Variants in R3HDM2 observed in about 807,000 individuals in gnomAD.
The protein encoded by R3HDM2 is R3H domain-containing protein 2.
Under a neutral mutation model 124.5 loss-of-function variants are expected in R3HDM2, and 38 were observed. The observed-to-expected ratio is 0.31, with a 90% confidence interval of 0.24 to 0.40. The LOEUF (loss-of-function observed/expected upper bound fraction) is 0.40. Ranked by LOEUF, R3HDM2 falls within the 10% of genes least tolerant of loss-of-function variation. The pLI is 1.00. For missense variants in R3HDM2, 869 were observed against 1,236.9 expected, an observed-to-expected ratio of 0.70 and a Z score of 4.46; for synonymous variants, 391 against 448.0, an observed-to-expected ratio of 0.87 and a Z score of 1.61.
intron 2 of R3HDM2, among the ~76,000 whole-genome samples, chr12:57,379,589 A>T (rs1275467992): frequency 6.6e-6 from 1 of 152,106 alleles, no homozygotes; most frequent in Non-Finnish European, 1.5e-5. Flanking sequence ...TCAAAAAAAA[A>T]ATAGAAAATG....
At chr12:57,414,157 C>CTTTT (rs966758167) in intron 1 of R3HDM2, among the ~76,000 whole-genome samples, 1 of 150,344 alleles carries the variant, frequency 6.7e-6, no homozygotes, top group African/African-American at 2.4e-5. Flanking sequence ...CCCACTCTAT[C>CTTTT]TTTTTTTTAC....
intron 2 of R3HDM2, among the ~76,000 whole-genome samples, chr12:57,373,853 C>T (rs896556952): frequency 1.3e-4 from 19 of 150,252 alleles, no homozygotes; most frequent in African/African-American, 3.7e-4. Context: ...ATAATAAGGG[C>T]GTGGTGGCTC....
chr12:57,293,321 C>A (rs954446529), intron 10 of R3HDM2, among the ~76,000 whole-genome samples: 3 of 151,094 alleles, frequency 2.0e-5, no homozygotes, highest in African/African-American at 4.9e-5. Flanking sequence ...AGAAAGAGAA[C>A]AGAGCAATAC....
intron 2 of R3HDM2, among the ~76,000 whole-genome samples, chr12:57,339,098 C>T (rs1400691388): frequency 1.3e-5 from 2 of 151,842 alleles, no homozygotes; most frequent in Middle Eastern, 3.4e-3. Context: ...GGTGTGATCT[C>T]GGTTCACTGC....
At chr12:57,387,970 T>TTTA (rs1260318256) in intron 2 of R3HDM2, among the ~76,000 whole-genome samples, 2 of 150,992 alleles carry the variant, frequency 1.3e-5, no homozygotes, top group Non-Finnish European at 3.0e-5. Flanking sequence ...AAAAAAATTT[T>TTTA]TTTTTTTTAA....
chr12:57,335,415 C>G (rs1004533417), intron 2 of R3HDM2, among the ~76,000 whole-genome samples: 1 of 151,132 alleles, frequency 6.6e-6, no homozygotes, highest in African/African-American at 2.4e-5. Flanking sequence ...ACCATGTTGG[C>G]CAGGCTGGCC....
intron 2 of R3HDM2, among the ~76,000 whole-genome samples, chr12:57,372,995 G>A (rs1304173060): frequency 6.6e-6 from 1 of 152,204 alleles, no homozygotes; most frequent in African/African-American, 2.4e-5. Context: ...GATCGCTTGA[G>A]GCCAGGAGAT....
intron 1 of R3HDM2, among the ~76,000 whole-genome samples, chr12:57,402,685 A>G (rs1312491244): frequency 6.6e-6 from 1 of 151,696 alleles, no homozygotes; most frequent in East Asian, 2.0e-4. Flanking sequence ...CGGGAGAATC[A>G]CTTCAACCCG....
At chr12:57,396,513 G>A (rs540096624) in intron 1 of R3HDM2, among the ~76,000 whole-genome samples, 14 of 149,182 alleles carry the variant, frequency 9.4e-5, no homozygotes, top group East Asian at 2.0e-4. Flanking sequence ...GCACAGTGGC[G>A]CACGCCTGTA....
chr12:57,321,758 CTA>C (rs988026396), intron 2 of R3HDM2, among the ~76,000 whole-genome samples: 9 of 152,126 alleles, frequency 5.9e-5, no homozygotes, highest in African/African-American at 2.2e-4. Context: ...AGAACACATA[CTA>C]TAATAGTCTA....
chr12:57,340,328 G>T (rs1196161804), intron 2 of R3HDM2, among the ~76,000 whole-genome samples: 3 of 152,110 alleles, frequency 2.0e-5, no homozygotes. Flanking sequence ...CCACCACAGG[G>T]GTTTCCTGAA....
In R3HDM2 at chr12:57,323,696, C is replaced by T. The variant is rs551207768; in HGVS notation, c.-35-13233G>A. Among the ~76,000 whole-genome samples the T allele has an allele frequency of 7.9e-5, 12 of 152,258 alleles. No homozygotes were observed. The East Asian group carries it at 2.3e-3, about 29-fold the overall frequency. ...TCAGTATCTGTTATGGCTGTACTTGCCTTAAAATGAGAACTGTAGGTGCTT... is the reference window on the plus strand; with the variant it reads ...TCAGTATCTGTTATGGCTGTACTTGTCTTAAAATGAGAACTGTAGGTGCTT... On this transcript the variant is annotated intron_variant, in intron 2 of 23. Transcript: ENST00000402412.
Position 57,397,346 on chromosome 12 carries a change from T to C in R3HDM2, c.-105-1528A>G, listed in dbSNP as rs370797727. On this transcript the variant is annotated intron_variant, in intron 1 of 23. Coordinates refer to ENST00000402412, the MANE Select transcript of R3HDM2 (RefSeq NM_001394031.1). The stretch of plus-strand genomic sequence containing the variant: ...AACCCTTAATATGCCCAAGTCAGTC[T>C]GTATTCTTGGAAGCCTTCAAAACAC... Among the ~76,000 whole-genome samples the C allele has an allele frequency of 7.9e-5, 12 of 152,304 alleles. No individual in the cohort carries two copies. The South Asian group carries it at 2.5e-3, about 32-fold the overall frequency.
chr12:57,389,158 C>T (rs1477184858), intron 2 of R3HDM2, among the ~76,000 whole-genome samples: 3 of 152,118 alleles, frequency 2.0e-5, no homozygotes, highest in South Asian at 2.1e-4. Flanking sequence ...TCCCCTGAAA[C>T]GTTAGGAGGG....
At chr12:57,403,848 T>C (rs907835424) in intron 1 of R3HDM2, among the ~76,000 whole-genome samples, 1 of 150,888 alleles carries the variant, frequency 6.6e-6, no homozygotes, top group African/African-American at 2.4e-5. Context: ...GGAAACTCCA[T>C]TTCATACTTT....
At chr12:57,399,804 G>A (rs913135417) in intron 1 of R3HDM2, among the ~76,000 whole-genome samples, 2 of 152,126 alleles carry the variant, frequency 1.3e-5, no homozygotes, top group Admixed American at 1.3e-4. Context: ...TTTAAAGTAA[G>A]CTAAATCTTG....
intron 11 of R3HDM2, among the ~76,000 whole-genome samples, chr12:57,291,127 C>G (rs1248251095): frequency 1.3e-5 from 2 of 152,142 alleles, no homozygotes; most frequent in Non-Finnish European, 2.9e-5. Context: ...TAAGAAGATT[C>G]CTTCTTGGAC....
chr12:57,367,245 T>G (rs931612829), intron 2 of R3HDM2, among the ~76,000 whole-genome samples: 1 of 152,196 alleles, frequency 6.6e-6, no homozygotes, highest in Admixed American at 6.5e-5. Flanking sequence ...TGGCCTTGAG[T>G]AGTTTCCTCA....
Position 57,255,981 on chromosome 12 carries a change from G to C in R3HDM2, c.2632+9C>G. On this transcript the variant is annotated intron_variant, in intron 23 of 23. Coordinates refer to ENST00000402412, the MANE Select transcript of R3HDM2 (RefSeq NM_001394031.1). Reference sequence around the variant, plus strand: ...CCTTCTCTTGGGGATTCAGCATCCCGTGACTCACCAACATCTGCTGTCCCC... The same window carrying C: ...CCTTCTCTTGGGGATTCAGCATCCCCTGACTCACCAACATCTGCTGTCCCC... The C allele has an allele frequency of 6.2e-7, 1 of 1,609,920 alleles. No individual in the cohort carries two copies. The highest frequency in any genetic ancestry group is 8.5e-7 in the Non-Finnish European group (1 of 1,177,708).
Sources: gnomAD v4.1 joint callset for allele counts (sites outside exome capture counted in the v4.1 genomes callset) on GRCh38, gnomAD v4.1.1 for gene constraint, MANE v1.5 for transcripts, NCBI Gene and HGNC (gene_info 2026-07-23, HGNC 2026-07-21) for gene names.